Variants in CPNE5 observed in about 807,000 individuals in gnomAD.
CPNE5 encodes copine-5.
Under a neutral mutation model 81.1 loss-of-function variants are expected in CPNE5, and 42 were observed. The ratio of observed to expected loss-of-function variants is 0.52; its 90% CI spans 0.40 to 0.67. The LOEUF (loss-of-function observed/expected upper bound fraction) is 0.67. CPNE5 is among the 30% of genes least tolerant of loss of function. The pLI is 0.00. For missense variants in CPNE5, 612 were observed against 815.5 expected (o/e 0.75, Z 3.04); for synonymous variants, 313 against 321.5 (o/e 0.97, Z 0.28).
intron 8 of CPNE5, among the ~76,000 whole-genome samples, chr6:36,790,442 A>T (rs1398429776): frequency 6.6e-6 from 1 of 152,178 alleles, no homozygotes; most frequent in East Asian, 1.9e-4. Flanking sequence ...TCTGACAGGG[A>T]TTTCACAACA....
chr6:36,827,488 G>A, intron 1 of CPNE5: 4 of 985,386 alleles, frequency 4.1e-6, no homozygotes, highest in Non-Finnish European at 4.8e-6. Context: ...TATCCAAGTG[G>A]CCGCCAGAGA....
upstream of CPNE5, chr6:36,839,631 G>T: frequency 3.7e-6 from 1 of 268,298 alleles, no homozygotes. This position sits in a 1 kb window ranked among gnomAD's most constrained non-coding sequence, Gnocchi z 7.3. Flanking sequence ...AGGGCAAGGA[G>T]CCCAGGGAGC....
At chr6:36,783,378 T>TAAAAAAAAAAAAA in intron 8 of CPNE5, among the ~76,000 whole-genome samples, 1 of 118,482 alleles carries the variant, frequency 8.4e-6, no homozygotes, top group Non-Finnish European at 1.8e-5. Flanking sequence ...GCAGTAAAAG[T>TAAAAAAAAAAAAA]AAAAAAAAAA....
intron 11 of CPNE5, 73 bp downstream of exon 11, chr6:36,765,262 C>T: frequency 1.3e-6 from 2 of 1,546,710 alleles, no homozygotes; most frequent in Non-Finnish European, 1.8e-6. Context: ...CACAGCTCCG[C>T]ATGGGAGGGC....
intron 10 of CPNE5, among the ~76,000 whole-genome samples, chr6:36,769,167 G>A (rs1211358170): frequency 1.3e-5 from 2 of 152,186 alleles, no homozygotes; most frequent in South Asian, 2.1e-4. Context: ...CCTATATCAG[G>A]TGCTGTATAC....
At chr6:36,757,095 C>A (rs1338175722) in intron 12 of CPNE5, among the ~76,000 whole-genome samples, 11 of 152,148 alleles carry the variant, frequency 7.2e-5, no homozygotes, top group Admixed American at 7.2e-4. Flanking sequence ...CCCAGTAGTG[C>A]CAAGGCCAAG....
intron 7 of CPNE5, among the ~76,000 whole-genome samples, chr6:36,793,812 A>C (rs766272717): frequency 1.3e-5 from 2 of 152,166 alleles, no homozygotes; most frequent in Non-Finnish European, 2.9e-5. Flanking sequence ...GAGAGCTCTC[A>C]GGGAAGGCCA....
At chr6:36,761,184 T>C (rs370687) in intron 12 of CPNE5, among the ~76,000 whole-genome samples, 114,688 of 152,096 alleles carry the variant, frequency 0.75, 43,480 homozygotes, top group Middle Eastern at 0.84. Flanking sequence ...GGCCAGAGAA[T>C]GGTGGCATCT....
Position 36,773,212 on chromosome 6 carries a change from G to T in CPNE5, c.737+1749C>A, listed in dbSNP as rs236424. On this transcript the variant is annotated intron_variant, in intron 10 of 20. Coordinates refer to ENST00000244751, the MANE Select transcript of CPNE5 (RefSeq NM_020939.2). ...GTTTCGACACCCCAGTGCTCCTGTC[G>T]GAGTGGCCCAGAGGCCCAGCTTTCT... is the stretch of plus-strand genomic sequence containing the variant. Among the ~76,000 whole-genome samples the T allele has an allele frequency of 8.8e-3, 1,333 of 152,040 alleles. 19 individuals are homozygous for T. The highest frequency in any genetic ancestry group is 0.03 in the African/African-American group (1,236 of 41,468).
intron 3 of CPNE5, among the ~76,000 whole-genome samples, chr6:36,817,480 C>A (rs1269409510): frequency 6.6e-6 from 1 of 152,144 alleles, no homozygotes; most frequent in Non-Finnish European, 1.5e-5. Context: ...ACGGACCCTT[C>A]TGCTCTGACA....
At chr6:36,812,011 G>T (rs1771150420) in intron 3 of CPNE5, among the ~76,000 whole-genome samples, 1 of 152,208 alleles carries the variant, frequency 6.6e-6, no homozygotes, top group Non-Finnish European at 1.5e-5. Flanking sequence ...GGCTGAGGCA[G>T]GAGAATTGCT....
chr6:36,757,343 CCA>C (rs1323863875), intron 12 of CPNE5: 4 of 985,428 alleles, frequency 4.1e-6, no homozygotes, highest in East Asian at 2.3e-4. Flanking sequence ...GTCTTTGTTC[CCA>C]CAGAGGCCGT....
Position 36,746,611 on chromosome 6 carries a change from T to G in CPNE5, c.1019-34A>C. 6.3e-7 allele frequency: 1 copy of G among 1,584,506 alleles called. No individual in the cohort carries two copies. The highest frequency in any genetic ancestry group is 1.4e-5 in the African/African-American group (1 of 73,054). On this transcript the variant is annotated intron_variant, in intron 15 of 20. Transcript: ENST00000244751. This position sits in a 1 kb window ranked among gnomAD's most constrained non-coding sequence, Gnocchi z 4.5. ...CAGGACATGGGAGCCTTTGACCATC[T>G]GGACCCTCCAAGTCACCCCGGGTTC... is the stretch of plus-strand genomic sequence containing the variant.
In CPNE5 at chr6:36,744,433, G is replaced by A. The variant is rs1046085123; in HGVS notation, c.1432-108C>T. 3.6e-6 allele frequency: 3 copies of A among 824,050 alleles called. No individual in the cohort carries two copies. The African/African-American group carries it at 5.0e-5, about 14-fold the overall frequency. The allele number at this position is 824,050 out of a possible 1,614,324, so 51.0% of individuals were successfully genotyped here. ...GGAAGGGGTGGGCAGGAAAGAAATG[G>A]GAGAGTGAACATGGAGAGACAGAGA... On this transcript the variant is annotated intron_variant, in intron 18 of 20. Coordinates refer to ENST00000244751, the MANE Select transcript of CPNE5 (RefSeq NM_020939.2).
intron 3 of CPNE5, among the ~76,000 whole-genome samples, chr6:36,811,937 C>T (rs1331987024): frequency 6.6e-6 from 1 of 152,100 alleles, no homozygotes; most frequent in Non-Finnish European, 1.5e-5. Context: ...AACCCCATCT[C>T]TACGAAAAAT....
At chr6:36,752,884 C>G in intron 14 of CPNE5, 150 bp downstream of exon 14, 1 of 607,638 alleles carries the variant, frequency 1.6e-6, no homozygotes, top group South Asian at 2.1e-5. Flanking sequence ...GTTGTCTCAG[C>G]CCAAACACCA....
chr6:36,760,921 G>C (rs1482364616), intron 12 of CPNE5, among the ~76,000 whole-genome samples: 1 of 152,224 alleles, frequency 6.6e-6, no homozygotes. Flanking sequence ...CCCTGGGACT[G>C]CCAGAGCTGT....
At position 36,834,309 on chromosome 6, in the gene CPNE5, G is replaced by GAGGGAGGA. The variant is rs1554130153; in HGVS notation, c.95+4973_95+4974insTCCTCCCT. 2.4e-3 allele frequency among the ~76,000 whole-genome samples: 165 copies of GAGGGAGGA among 70,014 alleles called. 3 individuals are homozygous for GAGGGAGGA. The highest frequency in any genetic ancestry group is 9.2e-3 in the African/African-American group (142 of 15,492). The allele number at this position is 70,014 out of a possible 152,430, so 45.9% of individuals were successfully genotyped here. A position where few individuals can be genotyped will look rare whatever the true frequency, so the allele number is the denominator to read the frequency against. On this transcript the variant is annotated intron_variant, in intron 1 of 20. Coordinates refer to ENST00000244751, the MANE Select transcript of CPNE5 (RefSeq NM_020939.2). ...GAAGGGAGGGAGGGAGGGAGGGAGG[G>GAGGGAGGA]AGGAAGGAAGGAAAGAAAAAAAAAA...
In CPNE5 at chr6:36,794,576, G is replaced by A. The variant is rs1265541202; in HGVS notation, c.464+14C>T. Reference sequence around the variant, plus strand: ...GTCTAAGGACTCCAGGGCCAGAGATGTCTGGCAACGTACCCGTTGGACACA... The same window carrying A: ...GTCTAAGGACTCCAGGGCCAGAGATATCTGGCAACGTACCCGTTGGACACA... On this transcript the variant is annotated intron_variant, in intron 7 of 20. Transcript: ENST00000244751. 3.1e-6 allele frequency: 5 copies of A among 1,612,768 alleles called. No individual in the cohort carries two copies. The highest frequency in any genetic ancestry group is 4.2e-6 in the Non-Finnish European group (5 of 1,178,756).
Sources: allele counts gnomAD v4.1 joint callset (sites outside exome capture counted in the v4.1 genomes callset), GRCh38; gene constraint gnomAD v4.1.1; non-coding constraint Gnocchi (gnomAD v3.1); transcripts MANE v1.5; gene names NCBI Gene and HGNC (gene_info 2026-07-23, HGNC 2026-07-21).